Variants in IL34 observed in about 807,000 individuals in gnomAD.
The protein encoded by IL34 is interleukin-34.
IL34 carries 17 observed loss-of-function variants against 25.3 expected under a neutral mutation model. The observed-to-expected ratio is 0.67, with a 90% CI of 0.46 to 1.01. The LOEUF is 1.01. Ranked by LOEUF, IL34 falls within the 50% of genes least tolerant of loss-of-function variation. The pLI is 0.00. For missense variants in IL34, 368 were observed against 312.9 expected (o/e 1.18, Z -1.33); for synonymous variants, 174 against 140.9 (o/e 1.23, Z -1.66).
At chr16:70,587,764 C>T (rs577591083) in intron 1 of IL34, among the ~76,000 whole-genome samples, 9 of 152,088 alleles carry the variant, frequency 5.9e-5, no homozygotes, top group East Asian at 3.9e-4. Flanking sequence ...AATAGCCGGG[C>T]GCAGCGGCTC....
intron 1 of IL34, among the ~76,000 whole-genome samples, chr16:70,649,739 G>A (rs1034857531): frequency 9.2e-5 from 14 of 152,152 alleles, no homozygotes; most frequent in South Asian, 2.1e-4. Context: ...AGGGAGTACC[G>A]TACTCACACA....
At chr16:70,632,101 CAAAAAA>C (rs71151199) in intron 1 of IL34, among the ~76,000 whole-genome samples, 1 of 106,742 alleles carries the variant, frequency 9.4e-6, no homozygotes, top group Non-Finnish European at 1.9e-5. Flanking sequence ...GACCCTGTCT[CAAAAAA>C]AAAAAAAAAA....
intron 1 of IL34, among the ~76,000 whole-genome samples, chr16:70,647,327 C>T (rs1471440089): frequency 3.9e-5 from 6 of 152,074 alleles, no homozygotes; most frequent in South Asian, 2.1e-4. Context: ...TGGGTATGGC[C>T]GGTGGAGGGG....
intron 1 of IL34, among the ~76,000 whole-genome samples, chr16:70,635,742 G>C (rs2051628138): frequency 6.6e-6 from 1 of 152,102 alleles, no homozygotes; most frequent in African/African-American, 2.4e-5. Context: ...AAATATAAAA[G>C]AAAAAGCCTA....
At chr16:70,595,874 G>A (rs1441314022) in intron 1 of IL34, among the ~76,000 whole-genome samples, 2 of 152,064 alleles carry the variant, frequency 1.3e-5, no homozygotes, top group Admixed American at 1.3e-4. Context: ...AGCTGGGCGT[G>A]GTGGTGTGCA....
chr16:70,613,730 C>T (rs1366254264), intron 1 of IL34, among the ~76,000 whole-genome samples: 2 of 152,010 alleles, frequency 1.3e-5, no homozygotes, highest in East Asian at 1.9e-4. Flanking sequence ...AAAAATTAGC[C>T]AGGCATGGTG....
chr16:70,655,468 A>T (rs188210222), intron 2 of IL34, among the ~76,000 whole-genome samples: 18 of 149,878 alleles, frequency 1.2e-4, no homozygotes, highest in Non-Finnish European at 2.5e-4. Context: ...GCTCACTGCA[A>T]CCTCCACCTC....
intron 1 of IL34, among the ~76,000 whole-genome samples, chr16:70,604,152 T>A (rs1328037941): frequency 6.6e-6 from 1 of 152,182 alleles, no homozygotes; most frequent in East Asian, 1.9e-4. Context: ...AATCCAACCA[T>A]GAACCAGAAT....
At chr16:70,634,016 A>G (rs1364899444) in intron 1 of IL34, among the ~76,000 whole-genome samples, 3 of 151,910 alleles carry the variant, frequency 2.0e-5, no homozygotes, top group Admixed American at 1.3e-4. Flanking sequence ...ACGCCCAGCT[A>G]ATTTTTGTAT....
chr16:70,581,432 G>A (rs539457254), intron 1 of IL34, among the ~76,000 whole-genome samples: 1 of 144,930 alleles, frequency 6.9e-6, no homozygotes, highest in African/African-American at 2.7e-5. Flanking sequence ...TGAAGTTATT[G>A]TTTTTTCCCC....
At chr16:70,650,204 G>A (rs906904779) in intron 1 of IL34, among the ~76,000 whole-genome samples, 2 of 152,146 alleles carry the variant, frequency 1.3e-5, no homozygotes, top group African/African-American at 4.8e-5. Flanking sequence ...CAGAGCATGT[G>A]GGGGACAGTG....
intron 1 of IL34, among the ~76,000 whole-genome samples, chr16:70,631,073 A>T (rs2051507619): frequency 6.6e-6 from 1 of 152,328 alleles, no homozygotes; most frequent in African/African-American, 2.4e-5. Context: ...GTTGGTTGAA[A>T]CTGAAGATGC....
chr16:70,590,822 C>G (rs1020108221), intron 1 of IL34, among the ~76,000 whole-genome samples: 3 of 152,192 alleles, frequency 2.0e-5, no homozygotes, highest in African/African-American at 7.2e-5. Flanking sequence ...ACCCGTCCCC[C>G]CGCAAGCTGG....
At chr16:70,635,932 C>T (rs1265907125) in intron 1 of IL34, among the ~76,000 whole-genome samples, 1 of 151,900 alleles carries the variant, frequency 6.6e-6, no homozygotes, top group African/African-American at 2.4e-5. Flanking sequence ...GCCCATTTTA[C>T]AGATGGGGAG....
chr16:70,591,473 G>A (rs2050753262), intron 1 of IL34, among the ~76,000 whole-genome samples: 1 of 151,852 alleles, frequency 6.6e-6, no homozygotes, highest in Admixed American at 6.6e-5. Flanking sequence ...GGAGGCTGAG[G>A]TGGGAGGATC....
chr16:70,630,058 A>C lies in IL34; in HGVS notation c.-400-16490A>C, dbSNP rs892150836. Among the ~76,000 whole-genome samples the C allele has an allele frequency of 5.9e-5, 9 of 152,010 alleles. 1 individual carries two copies. The highest frequency in any genetic ancestry group is 2.2e-4 in the African/African-American group (9 of 41,376). ...TGTCCTTCTACTCTCTATCTCCATG[A>C]GTTTGTTTTAATTTTTAGCACCCAC... On this transcript the variant is annotated intron_variant, in intron 1 of 6. Coordinates refer to the IL34 transcript ENST00000429149.
At chr16:70,657,741 C>T (rs1185771515) in intron 4 of IL34, among the ~76,000 whole-genome samples, 2 of 152,150 alleles carry the variant, frequency 1.3e-5, no homozygotes, top group Non-Finnish European at 2.9e-5. Flanking sequence ...CACCATTGCA[C>T]TCCAGCTTGG....
At chr16:70,600,930 A>AAT (rs2050905663) in intron 1 of IL34, among the ~76,000 whole-genome samples, 1 of 141,982 alleles carries the variant, frequency 7.0e-6, no homozygotes, top group African/African-American at 3.1e-5. Context: ...TGCTGGCAGA[A>AAT]GCAGGGCTGC....
chr16:70,597,104 T>G (rs2050834402), intron 1 of IL34, among the ~76,000 whole-genome samples: 1 of 152,186 alleles, frequency 6.6e-6, no homozygotes, highest in Non-Finnish European at 1.5e-5. Flanking sequence ...TTCTCCTCCG[T>G]TGTGCTCTGG....
Sources: allele counts gnomAD v4.1 joint callset (sites outside exome capture counted in the v4.1 genomes callset), GRCh38; gene constraint gnomAD v4.1.1; transcripts MANE v1.5; gene names NCBI Gene and HGNC (gene_info 2026-07-23, HGNC 2026-07-21).